The following SCGN variants were observed in gnomAD, a reference collection of about 807,000 sequenced individuals.
SCGN encodes secretagogin.
SCGN carries 30 observed loss-of-function variants against 39.7 expected under a neutral mutation model. The observed-to-expected ratio is 0.76, with a 90% CI of 0.57 to 1.03. The LOEUF (loss-of-function observed/expected upper bound fraction) is 1.03. Among genes scored for constraint, SCGN ranks in the 50% least tolerant of loss-of-function variants. The pLI, the probability that SCGN is intolerant of heterozygous loss-of-function variation, is 0.00. For missense variants in SCGN, 353 were observed against 349.4 expected (o/e 1.01, Z -0.08); for synonymous variants, 106 against 114.1 (o/e 0.93, Z 0.45).
chr6:25,684,351 A>T (rs1759676526), intron 7 of SCGN, among the ~76,000 whole-genome samples: 1 of 152,126 alleles, frequency 6.6e-6, no homozygotes, highest in Non-Finnish European at 1.5e-5. Context: ...TGGTTCCAGA[A>T]CCTCCGCGGA....
chr6:25,657,681 G>T lies in SCGN; in HGVS notation c.154-3871G>T, dbSNP rs145013304. ...TATATATATATAATATATATATTAC[G>T]TGTATATATATATGTGTATGTGTGT... On this transcript the variant is annotated intron_variant, in intron 2 of 10. Coordinates refer to ENST00000377961, the MANE Select transcript of SCGN (RefSeq NM_006998.4). Among the ~76,000 whole-genome samples, 1,343 of 148,666 alleles carry T rather than the reference G, an allele frequency of 9.0e-3. 16 individuals are homozygous for T. The highest frequency in any genetic ancestry group is 0.03 in the African/African-American group (1,215 of 40,766).
Position 25,691,103 on chromosome 6 carries a change from A to C in SCGN, c.681A>C (p.Lys227Asn). 1 of 1,613,846 alleles carries C rather than the reference A, an allele frequency of 6.2e-7. No individual in the cohort carries two copies. The highest frequency in any genetic ancestry group is 1.6e-4 in the Middle Eastern group (1 of 6,062). ...GCCCAGAAGTGGATGGGTTTGTCAAAGACATGATGGAGCTTGTCCAGGTGA... is the reference window on the plus strand; with the variant it reads ...GCCCAGAAGTGGATGGGTTTGTCAACGACATGATGGAGCTTGTCCAGGTGA... ...LEGPEVDGFVKDMMELVQPSI... is the reference protein window; with the variant it reads ...LEGPEVDGFVNDMMELVQPSI... Residue 227 changes from lysine to asparagine, a missense_variant, in exon 10 of 11, where the codon AAA becomes AAC. Transcript: ENST00000377961.
intron 6 of SCGN, among the ~76,000 whole-genome samples, chr6:25,677,712 ACT>A (rs1292478756): frequency 1.3e-5 from 2 of 152,058 alleles, no homozygotes; most frequent in Admixed American, 1.3e-4. Context: ...GATACATAAG[ACT>A]CTGTGAATGG....
intron 6 of SCGN, among the ~76,000 whole-genome samples, chr6:25,673,987 A>G (rs1472722847): frequency 6.6e-6 from 1 of 152,144 alleles, no homozygotes; most frequent in African/African-American, 2.4e-5. Flanking sequence ...AGAGAGAGAG[A>G]GCCGAGGAGG....
At chr6:25,690,880 T>A (rs1285127611) in intron 9 of SCGN, among the ~76,000 whole-genome samples, 176 bp from the exon 10 acceptor site, 3 of 152,258 alleles carry the variant, frequency 2.0e-5, no homozygotes, top group Non-Finnish European at 2.9e-5. Flanking sequence ...CAATGAGTTA[T>A]TTTAATTCAT....
rs1382590036 is a variant in SCGN, at chr6:25,689,147, T to G, written c.528-25T>G. ...AACTGAGAGCTGAACGATCCTTACG[T>G]GGATTTTTTTTTTTTTCTATTTAGG... is the stretch of plus-strand genomic sequence containing the variant. On this transcript the variant is annotated intron_variant, in intron 7 of 10. Coordinates refer to ENST00000377961, the MANE Select transcript of SCGN (RefSeq NM_006998.4). 3 of 1,446,514 alleles carry G rather than the reference T, an allele frequency of 2.1e-6. No individual in the cohort carries two copies. In the East Asian group the frequency reaches 7.3e-5, roughly 35 times the overall value. 89.6% of individuals were successfully genotyped at this position (1,446,514 alleles called of 1,614,324 possible). A position where few individuals can be genotyped will look rare whatever the true frequency, so the allele number is the denominator to read the frequency against.
intron 2 of SCGN, among the ~76,000 whole-genome samples, chr6:25,656,546 G>T (rs1760230989): frequency 1.3e-5 from 2 of 152,144 alleles, no homozygotes; most frequent in Admixed American, 1.3e-4. Context: ...ATTTTAGCCA[G>T]TTCATGGATA....
At chr6:25,688,817 ATTTTTTT>A (rs1759738959) in intron 7 of SCGN, among the ~76,000 whole-genome samples, 1 of 150,044 alleles carries the variant, frequency 6.7e-6, no homozygotes. Flanking sequence ...AAAAAAAAAG[ATTTTTTT>A]CAGAATAAAC....
At chr6:25,666,389 C>T (rs1176946338) in intron 4 of SCGN, among the ~76,000 whole-genome samples, 5 of 152,044 alleles carry the variant, frequency 3.3e-5, no homozygotes, top group Non-Finnish European at 7.4e-5. Context: ...TTTCAGGCAT[C>T]TATTTTATGG....
In SCGN at chr6:25,686,152, T is replaced by C. The variant is rs112542030; in HGVS notation, c.528-3020T>C. 2.6e-5 allele frequency among the ~76,000 whole-genome samples: 4 copies of C among 152,324 alleles called. 1 individual carries two copies. Among genetic ancestry groups the C allele is most frequent in the African/African-American group, 9.6e-5 (4 of 41,572 alleles). On this transcript the variant is annotated intron_variant, in intron 7 of 10. Coordinates refer to ENST00000377961, the MANE Select transcript of SCGN (RefSeq NM_006998.4). ...TCAGCTGATGTTCATTTGAGTTGTT[T>C]TCACTTTTTAGAGATTATGAATAAC...
rs974527646 is a variant in SCGN at position 25,667,811 on chromosome 6, C to T, written c.337-1700C>T. Among the ~76,000 whole-genome samples, 21 of 152,144 alleles carry T rather than the reference C, an allele frequency of 1.4e-4. 1 individual carries two copies. On this transcript the variant is annotated intron_variant, in intron 4 of 10. Transcript: ENST00000377961. ...GCTTATTGAATAGTCACATAAAAAT[C>T]TTTGGCTCTCCAATGGCTCAGCTGT...
At chr6:25,680,505 C>T (rs1448225261) in intron 6 of SCGN, among the ~76,000 whole-genome samples, 1 of 152,150 alleles carries the variant, frequency 6.6e-6, no homozygotes, top group East Asian at 1.9e-4. Flanking sequence ...TAGTTCAACC[C>T]AGGCCAATTT....
chr6:25,661,658 C>T lies in SCGN; in HGVS notation c.246+14C>T, dbSNP rs779204490. On this transcript the variant is annotated intron_variant, in intron 3 of 10. Transcript: ENST00000377961. ...CGGATGAAAGAGGTAACTTTACTGA[C>T]AGTATTTTTCATGGCTCTACTCTTC... 4 of 1,538,692 alleles carry T rather than the reference C, an allele frequency of 2.6e-6. No homozygotes were observed. Among genetic ancestry groups the T allele is most frequent in the Admixed American group, 3.3e-5 (2 of 59,848 alleles).
chr6:25,652,398 A>C lies in SCGN; in HGVS notation c.-6A>C. On this transcript the variant is annotated 5_prime_UTR_variant, in exon 1 of 11. Transcript: ENST00000377961. ...GCGCCGGTGCCTGGTCTTCGTCGTCAACACCATGGACAGCTCCCGGGAACC... is the reference window on the plus strand; with the variant it reads ...GCGCCGGTGCCTGGTCTTCGTCGTCCACACCATGGACAGCTCCCGGGAACC... 1 of 1,614,066 alleles carries C rather than the reference A, an allele frequency of 6.2e-7. No homozygotes were observed. The highest frequency in any genetic ancestry group is 8.5e-7 in the Non-Finnish European group (1 of 1,179,936).
At position 25,698,923 on chromosome 6, in the gene SCGN, T is replaced by C. The variant is rs542759352; in HGVS notation, c.703-2284T>C. On this transcript the variant is annotated intron_variant, in intron 10 of 10. Coordinates refer to ENST00000377961, the MANE Select transcript of SCGN (RefSeq NM_006998.4). ...CCTATTTTAAACCTGCTATCAATAA[T>C]AGATTTGGTGTCAGTCATTTACCCC... Among the ~76,000 whole-genome samples, 8 of 152,298 alleles carry C rather than the reference T, an allele frequency of 5.3e-5. 1 individual carries two copies. In the South Asian group the frequency reaches 1.7e-3, roughly 32 times the overall value.
Position 25,652,277 on chromosome 6 carries a change from A to G in SCGN, c.-127A>G. ...AGCAGCGCTCGCGTCCTCCCCAGCA[A>G]CAGTTACTCAAAGCTAATCAGATAG... On this transcript the variant is annotated 5_prime_UTR_variant, in exon 1 of 11. Transcript: ENST00000377961. 1.3e-6 allele frequency: 1 copy of G among 754,596 alleles called. No individual in the cohort carries two copies. Among genetic ancestry groups the G allele is most frequent in the Non-Finnish European group, 2.3e-6 (1 of 440,534 alleles). 46.7% of individuals were successfully genotyped at this position (754,596 alleles called of 1,614,324 possible).
intron 1 of SCGN, among the ~76,000 whole-genome samples, chr6:25,652,978 T>G (rs1760160376): frequency 6.6e-6 from 1 of 152,194 alleles, no homozygotes; most frequent in Non-Finnish European, 1.5e-5. Flanking sequence ...TACTTAATAT[T>G]TGTTTTTATT....
rs540328353 is a variant in SCGN, at chr6:25,695,065, T to G, written c.702+3941T>G. 2.0e-5 allele frequency among the ~76,000 whole-genome samples: 3 copies of G among 152,330 alleles called. No homozygotes were observed. In the South Asian group the frequency reaches 6.2e-4, roughly 32 times the overall value. ...AGCTTATCTTATAGTTTTTTAATTC[T>G]TGGACAATCATATGATGTATATGTT... is the stretch of plus-strand genomic sequence containing the variant. On this transcript the variant is annotated intron_variant, in intron 10 of 10. Coordinates refer to ENST00000377961, the MANE Select transcript of SCGN (RefSeq NM_006998.4).
chr6:25,669,605 T>C (rs2272825), intron 5 of SCGN, 38 bp downstream of exon 5: 189,462 of 1,563,706 alleles, frequency 0.12, 13,568 homozygotes, highest in African/African-American at 0.33. Context: ...TTGTTTATCA[T>C]TGGGAATTTG....
Sources: gnomAD v4.1 joint callset for allele counts (sites outside exome capture counted in the v4.1 genomes callset) on GRCh38, gnomAD v4.1.1 for gene constraint, MANE v1.5 for transcripts, NCBI Gene and HGNC (gene_info 2026-07-23, HGNC 2026-07-21) for gene names.